RAP1GDS1: variants seen among roughly 807,000 people sequenced by gnomAD.
The protein encoded by RAP1GDS1 is RAP1, GTP-GDP dissociation stimulator 1.
A neutral mutation model predicts 71.1 loss-of-function variants in RAP1GDS1; 35 were observed. The ratio of observed to expected loss-of-function variants is 0.49; its 90% CI spans 0.38 to 0.65. RAP1GDS1 has a LOEUF of 0.65. Among genes scored for constraint, RAP1GDS1 ranks in the 30% least tolerant of loss-of-function variants. The pLI is 0.00. For synonymous variants in RAP1GDS1, 229 were observed against 243.1 expected (o/e 0.94, Z 0.54); for missense variants, 663 against 706.1 (o/e 0.94, Z 0.69).
chr4:98,378,837 C>T (rs1741559853), intron 4 of RAP1GDS1, among the ~76,000 whole-genome samples, 180 bp from the exon 5 acceptor site: 1 of 151,672 alleles, frequency 6.6e-6, no homozygotes, highest in African/African-American at 2.4e-5. Flanking sequence ...TTCCCCATCC[C>T]ACCCCCATTT....
At chr4:98,285,361 T>A (rs1725816075) in intron 1 of RAP1GDS1, among the ~76,000 whole-genome samples, 1 of 152,180 alleles carries the variant, frequency 6.6e-6, no homozygotes, top group Non-Finnish European at 1.5e-5. Flanking sequence ...AGGAAAGAAA[T>A]GTATATGCTT....
chr4:98,382,998 G>A (rs573246017), intron 5 of RAP1GDS1, among the ~76,000 whole-genome samples: 17 of 151,674 alleles, frequency 1.1e-4, no homozygotes, highest in African/African-American at 3.6e-4. Flanking sequence ...GTCTGCATTT[G>A]TACACTTGAA....
At chr4:98,430,987 C>G (rs1447752347) in intron 12 of RAP1GDS1, among the ~76,000 whole-genome samples, 2 of 152,156 alleles carry the variant, frequency 1.3e-5, no homozygotes, top group Non-Finnish European at 1.5e-5. Context: ...AAAGAGTGCC[C>G]TAGTCTAGGA....
intron 3 of RAP1GDS1, among the ~76,000 whole-genome samples, chr4:98,346,848 CT>C (rs1180323371): frequency 6.6e-6 from 1 of 152,052 alleles, no homozygotes; most frequent in Non-Finnish European, 1.5e-5. Flanking sequence ...CCGGCCAGTA[CT>C]TTCTTTAAAA....
chr4:98,442,403 A>C lies in RAP1GDS1; in HGVS notation c.*286A>C. Reference sequence around the variant, plus strand: ...GCATGTTGTAGTCCTATGATGATGTAAACTTGGTACTACATAATGACTTGC... The same window carrying C: ...GCATGTTGTAGTCCTATGATGATGTCAACTTGGTACTACATAATGACTTGC... On this transcript the variant is annotated 3_prime_UTR_variant, in exon 15 of 15. Transcript: ENST00000408927. The C allele has an allele frequency of 3.3e-6, 1 of 299,648 alleles. No homozygotes were observed. Among genetic ancestry groups the C allele is most frequent in the Non-Finnish European group, 6.2e-6 (1 of 160,236 alleles). 18.6% of individuals were successfully genotyped at this position (299,648 alleles called of 1,614,324 possible).
chr4:98,289,499 T>TGG (rs1726574444), intron 1 of RAP1GDS1, among the ~76,000 whole-genome samples: 1 of 136,730 alleles, frequency 7.3e-6, no homozygotes, highest in Admixed American at 8.2e-5. Context: ...TAATGGGAGA[T>TGG]GGCATAATGT....
At chr4:98,395,795 A>G (rs1411244021) in intron 6 of RAP1GDS1, 2 of 152,208 alleles carry the variant, frequency 1.3e-5, no homozygotes, top group African/African-American at 2.4e-5. Context: ...TAAATGAATA[A>G]TAATATGAAT....
intron 2 of RAP1GDS1, among the ~76,000 whole-genome samples, chr4:98,318,860 T>C (rs1274456030): frequency 2.6e-5 from 4 of 152,210 alleles, no homozygotes; most frequent in African/African-American, 4.8e-5. Flanking sequence ...AACTTACAAA[T>C]TGTTTATTTC....
chr4:98,339,086 C>T (rs1004444724), intron 2 of RAP1GDS1, among the ~76,000 whole-genome samples: 1 of 152,144 alleles, frequency 6.6e-6, no homozygotes, highest in African/African-American at 2.4e-5. Context: ...GCTCATATGA[C>T]ATTATAGGCT....
intron 3 of RAP1GDS1, among the ~76,000 whole-genome samples, chr4:98,343,912 A>G (rs1230978754): frequency 6.6e-6 from 1 of 152,216 alleles, no homozygotes; most frequent in East Asian, 1.9e-4. Flanking sequence ...GTTTAAGCAT[A>G]TAAGAAGGCC....
intron 1 of RAP1GDS1, among the ~76,000 whole-genome samples, chr4:98,272,101 A>G (rs1458279723): frequency 3.3e-5 from 5 of 152,194 alleles, no homozygotes; most frequent in African/African-American, 9.6e-5. Flanking sequence ...AGCTTTTTCC[A>G]TAAAGGACCA....
rs146283885 is a variant in RAP1GDS1, at chr4:98,336,643, C to G, written c.113-6496C>G. 1.3e-3 allele frequency among the ~76,000 whole-genome samples: 194 copies of G among 151,822 alleles called. 2 individuals are homozygous for G. Among genetic ancestry groups the G allele is most frequent in the African/African-American group, 4.6e-3 (189 of 41,382 alleles). ...TTTTAAACTCTTGCATTTCATGTTC[C>G]TTTTGTTTATTTAAGATCCTCAATC... On this transcript the variant is annotated intron_variant, in intron 2 of 14. Transcript: ENST00000408927.
chr4:98,325,481 A>G (rs1335118667), intron 2 of RAP1GDS1, among the ~76,000 whole-genome samples: 2 of 151,848 alleles, frequency 1.3e-5, no homozygotes, highest in Non-Finnish European at 2.9e-5. Context: ...ATGTATGTTT[A>G]TTGTGGCATT....
chr4:98,395,259 A>C (rs1744351779), intron 6 of RAP1GDS1, among the ~76,000 whole-genome samples: 1 of 152,168 alleles, frequency 6.6e-6, no homozygotes, highest in African/African-American at 2.4e-5. Flanking sequence ...TTGTCTCACA[A>C]GTTTAATTAA....
chr4:98,368,475 TTCAGGAAGTCA>T (rs1739864588), intron 4 of RAP1GDS1, among the ~76,000 whole-genome samples: 1 of 152,150 alleles, frequency 6.6e-6, no homozygotes. Context: ...TGGTATATAT[TTCAGGAAGTCA>T]TAAATAAATG....
intron 7 of RAP1GDS1, among the ~76,000 whole-genome samples, chr4:98,416,171 A>C (rs2110181537): frequency 6.6e-6 from 1 of 152,212 alleles, no homozygotes; most frequent in East Asian, 1.9e-4. Context: ...TTCAGAGCTG[A>C]GTATCAATTT....
intron 4 of RAP1GDS1, among the ~76,000 whole-genome samples, chr4:98,361,738 T>C (rs919385399): frequency 6.6e-6 from 1 of 152,194 alleles, no homozygotes; most frequent in Non-Finnish European, 1.5e-5. Context: ...ATTTAATTCA[T>C]TTACTTTTCC....
At chr4:98,360,838 G>A (rs924231563) in intron 4 of RAP1GDS1, among the ~76,000 whole-genome samples, 2 of 152,038 alleles carry the variant, frequency 1.3e-5, no homozygotes, top group African/African-American at 4.8e-5. Flanking sequence ...TTGGGAGGGC[G>A]AGGCAGGTGG....
intron 5 of RAP1GDS1, among the ~76,000 whole-genome samples, chr4:98,380,891 G>A (rs1578662605): frequency 6.6e-6 from 1 of 151,500 alleles, no homozygotes; most frequent in East Asian, 1.9e-4. Context: ...AGTTCTTTGA[G>A]GAAGCTGTTA....
Sources: allele counts gnomAD v4.1 joint callset (sites outside exome capture counted in the v4.1 genomes callset), GRCh38; gene constraint gnomAD v4.1.1; transcripts MANE v1.5; gene names NCBI Gene and HGNC (gene_info 2026-07-23, HGNC 2026-07-21).